The following KCNQ3 variants were observed in gnomAD, a reference collection of about 807,000 sequenced individuals.
The protein encoded by KCNQ3 is potassium voltage-gated channel subfamily KQT member 3.
In KCNQ3, 30 loss-of-function variants were observed where a neutral mutation model predicts 92.5. The ratio of observed to expected loss-of-function variants is 0.32; its 90% CI spans 0.24 to 0.44. The LOEUF is 0.44. Among genes scored for constraint, KCNQ3 ranks in the 20% least tolerant of loss-of-function variants. The pLI is 1.00. For missense variants in KCNQ3, 913 were observed against 1,140.3 expected (o/e 0.80, Z 2.87); for synonymous variants, 450 against 468.8 (o/e 0.96, Z 0.52).
intron 9 of KCNQ3, among the ~76,000 whole-genome samples, chr8:132,143,978 AG>A (rs1178600097): frequency 3.9e-5 from 6 of 152,226 alleles, no homozygotes; most frequent in Non-Finnish European, 7.3e-5. Context: ...AGATAAACTA[AG>A]CAAGACAAAA....
intron 1 of KCNQ3, among the ~76,000 whole-genome samples, chr8:132,220,893 G>A (rs1462823403): frequency 2.0e-5 from 3 of 151,910 alleles, no homozygotes; most frequent in Non-Finnish European, 4.4e-5. Flanking sequence ...GTATACATGT[G>A]CCATGTTGTG....
intron 1 of KCNQ3, among the ~76,000 whole-genome samples, chr8:132,454,209 G>C (rs1220791048): frequency 6.6e-6 from 1 of 152,088 alleles, no homozygotes; most frequent in Non-Finnish European, 1.5e-5. Flanking sequence ...AAAAGGACTG[G>C]GAGAGAAAGC....
intron 8 of KCNQ3, among the ~76,000 whole-genome samples, chr8:132,163,910 TAACTC>T (rs1413484483): frequency 1.3e-5 from 2 of 152,226 alleles, no homozygotes; most frequent in Admixed American, 6.5e-5. Flanking sequence ...AACATTGTCT[TAACTC>T]AATTAATCCT....
intron 1 of KCNQ3, among the ~76,000 whole-genome samples, chr8:132,393,808 G>C (rs1015988052): frequency 6.6e-6 from 1 of 152,150 alleles, no homozygotes; most frequent in Non-Finnish European, 1.5e-5. Flanking sequence ...TTAAAATTCA[G>C]GTCTTTCAGC....
intron 1 of KCNQ3, among the ~76,000 whole-genome samples, chr8:132,237,755 C>T (rs1453079373): frequency 6.6e-6 from 1 of 152,062 alleles, no homozygotes; most frequent in Non-Finnish European, 1.5e-5. Flanking sequence ...TTCTTGATTG[C>T]AAATTACAGA....
intron 9 of KCNQ3, among the ~76,000 whole-genome samples, chr8:132,161,287 C>G (rs1586785680): frequency 6.6e-6 from 1 of 152,272 alleles, no homozygotes; most frequent in East Asian, 1.9e-4. Flanking sequence ...GCTACCTATG[C>G]TAGAAGGAGG....
At chr8:132,330,864 A>C (rs1418754467) in intron 1 of KCNQ3, among the ~76,000 whole-genome samples, 1 of 152,162 alleles carries the variant, frequency 6.6e-6, no homozygotes. Context: ...GTGTCCCAGA[A>C]TTGAGAGCCC....
intron 1 of KCNQ3, among the ~76,000 whole-genome samples, chr8:132,451,930 C>T (rs1032721823): frequency 4.6e-5 from 7 of 152,114 alleles, no homozygotes; most frequent in Admixed American, 2.0e-4. Flanking sequence ...AAAAATGGGA[C>T]ATTTTCAAAT....
At chr8:132,470,291 GTCT>G (rs1244474349) in intron 1 of KCNQ3, among the ~76,000 whole-genome samples, 5 of 152,170 alleles carry the variant, frequency 3.3e-5, no homozygotes, top group Non-Finnish European at 7.4e-5. Flanking sequence ...TGTGTGTTGA[GTCT>G]TCTTCTTTTT....
chr8:132,225,267 C>T (rs1263712594), intron 1 of KCNQ3, among the ~76,000 whole-genome samples: 1 of 152,140 alleles, frequency 6.6e-6, no homozygotes, highest in African/African-American at 2.4e-5. Context: ...TGAGTTCCTG[C>T]TCAAAGGTAG....
intron 12 of KCNQ3, 136 bp from the exon 13 acceptor site, chr8:132,134,524 G>A (rs1274574248): frequency 4.5e-6 from 3 of 667,974 alleles, no homozygotes; most frequent in Non-Finnish European, 8.1e-6. Context: ...GGAGAAGTGA[G>A]GAGAGGAGAG....
At chr8:132,172,116 G>C (rs1826385197) in intron 7 of KCNQ3, among the ~76,000 whole-genome samples, 1 of 152,066 alleles carries the variant, frequency 6.6e-6, no homozygotes, top group Non-Finnish European at 1.5e-5. Context: ...GAGCCTGGGA[G>C]ATGGAGGCTG....
intron 2 of KCNQ3, 38 bp downstream of exon 2, chr8:132,186,053 G>T: frequency 6.6e-7 from 1 of 1,510,262 alleles, no homozygotes; most frequent in Non-Finnish European, 9.2e-7. Context: ...CACTCTGGAA[G>T]CCCAACCAGA....
intron 12 of KCNQ3, among the ~76,000 whole-genome samples, chr8:132,136,957 C>A (rs200986486): frequency 7.1e-6 from 1 of 141,716 alleles, no homozygotes; most frequent in Admixed American, 7.3e-5. Flanking sequence ...TCCGCCCCCC[C>A]AGGTTCAAGC....
chr8:132,466,619 C>T (rs1822177879), intron 1 of KCNQ3, among the ~76,000 whole-genome samples: 1 of 152,094 alleles, frequency 6.6e-6, no homozygotes, highest in Admixed American at 6.6e-5. Flanking sequence ...CTACTTCTTT[C>T]CTGTCTTATT....
At chr8:132,147,008 G>A (rs1586769655) in intron 9 of KCNQ3, among the ~76,000 whole-genome samples, 1 of 152,178 alleles carries the variant, frequency 6.6e-6, no homozygotes, top group East Asian at 1.9e-4. Flanking sequence ...TATGTTATGT[G>A]TATCTGACTA....
At chr8:132,242,444 T>C (rs1211231392) in intron 1 of KCNQ3, among the ~76,000 whole-genome samples, 1 of 152,204 alleles carries the variant, frequency 6.6e-6, no homozygotes, top group Admixed American at 6.5e-5. Context: ...GAGGTGTCAA[T>C]GCACCTGCCC....
rs531857831 is a variant in KCNQ3 at position 132,217,057 on chromosome 8, A to T, written c.387-30876T>A. 1.6e-4 allele frequency among the ~76,000 whole-genome samples: 24 copies of T among 152,270 alleles called. No homozygotes were observed. In the South Asian group the frequency reaches 1.9e-3, roughly 12 times the overall value. On this transcript the variant is annotated intron_variant, in intron 1 of 14. Transcript: ENST00000388996. ...ATTTTTCATTTCATTATTATCTATG[A>T]CCTTAAAATTATATCTTTTGCATCT...
chr8:132,166,016 G>A (rs562983917), intron 8 of KCNQ3, among the ~76,000 whole-genome samples: 24 of 152,250 alleles, frequency 1.6e-4, no homozygotes, highest in African/African-American at 4.6e-4. Context: ...GACCCTGGTC[G>A]TAAAAGGAAC....
Sources: gnomAD v4.1 joint callset for allele counts (sites outside exome capture counted in the v4.1 genomes callset) on GRCh38, gnomAD v4.1.1 for gene constraint, MANE v1.5 for transcripts, NCBI Gene and HGNC (gene_info 2026-07-23, HGNC 2026-07-21) for gene names.